ATP2C1: variants seen among roughly 807,000 people sequenced by gnomAD.
ATP2C1 encodes the protein calcium-transporting ATPase type 2C member 1.
A neutral mutation model predicts 120.5 loss-of-function variants in ATP2C1; 31 were observed. That is an observed-to-expected ratio of 0.26 (90% confidence interval 0.19 to 0.35). The LOEUF (loss-of-function observed/expected upper bound fraction) is 0.35. ATP2C1 is among the 10% of genes least tolerant of loss of function. ATP2C1 has a pLI of 1.00. For synonymous variants in ATP2C1, 351 were observed against 358.7 expected (o/e 0.98, Z 0.24); for missense variants, 731 against 1,107.5 (o/e 0.66, Z 4.83).
At chr3:130,896,184 A>G (rs1476432960) in intron 2 of ATP2C1, among the ~76,000 whole-genome samples, 1 of 152,208 alleles carries the variant, frequency 6.6e-6, no homozygotes, top group Non-Finnish European at 1.5e-5. Context: ...TACCAGATTT[A>G]AGAGGGTAGC....
At chr3:131,005,826 TTTG>T (rs1313507397), downstream of ATP2C1, among the ~76,000 whole-genome samples, 6 of 152,230 alleles carry the variant, frequency 3.9e-5, no homozygotes, top group South Asian at 1.2e-3. Flanking sequence ...TTCAATCTCC[TTTG>T]TTGTTGAATG....
chr3:130,937,343 C>A, intron 5 of ATP2C1, 85 bp from the exon 6 acceptor site: 1 of 1,132,524 alleles, frequency 8.8e-7, no homozygotes, highest in Non-Finnish European at 1.3e-6. Flanking sequence ...TATTGTGGGA[C>A]TGCAGATAGT....
chr3:130,919,891 A>C (rs1246661424), intron 2 of ATP2C1, among the ~76,000 whole-genome samples: 1 of 152,148 alleles, frequency 6.6e-6, no homozygotes, highest in African/African-American at 2.4e-5. Context: ...AGTTTTCCTT[A>C]CAGGTGTGAG....
chr3:131,014,471 T>G, intron 26 of ATP2C1: 1 of 1,308,016 alleles, frequency 7.6e-7, no homozygotes, highest in Non-Finnish European at 1.0e-6. Flanking sequence ...CTTCAACAAA[T>G]GCATCTAAAC....
At chr3:130,855,884 G>A (rs2067823594) in intron 1 of ATP2C1, 1 of 152,270 alleles carries the variant, frequency 6.6e-6, no homozygotes, top group Non-Finnish European at 1.5e-5. Flanking sequence ...CCTGCAGGAG[G>A]AAAGCCGAGA....
chr3:130,895,736 A>G (rs140410376), intron 2 of ATP2C1, among the ~76,000 whole-genome samples: 85 of 152,318 alleles, frequency 5.6e-4, no homozygotes, highest in Non-Finnish European at 7.2e-4. Flanking sequence ...TTGAGAATGT[A>G]AGCTTGATTG....
intron 2 of ATP2C1, among the ~76,000 whole-genome samples, chr3:130,911,326 G>C (rs201002250): frequency 0.011 from 1,634 of 150,126 alleles, 22 homozygotes; most frequent in East Asian, 0.08. Flanking sequence ...GTGTCTATTT[G>C]ATTCTTCTCT....
In ATP2C1 at chr3:131,002,606, C is replaced by T. The variant is rs1368338763; in HGVS notation, c.*1256C>T. On this transcript the variant is annotated 3_prime_UTR_variant, in exon 28 of 28. Coordinates refer to ENST00000510168, the MANE Select transcript of ATP2C1 (RefSeq NM_001378687.1). ...AGGTCATTTGTTTTGAGTATGTGGG[C>T]CAGAAATTTAAAATTAGAAATTTGT... 6 of 985,140 alleles carry T rather than the reference C, an allele frequency of 6.1e-6. No homozygotes were observed. The highest frequency in any genetic ancestry group is 6.0e-6 in the Non-Finnish European group (5 of 829,886). The allele number at this position is 985,140 out of a possible 1,614,324, so 61.0% of individuals were successfully genotyped here. A position where few individuals can be genotyped will look rare whatever the true frequency, so the allele number is the denominator to read the frequency against.
At chr3:131,010,339 C>T (rs1026746673) in intron 26 of ATP2C1, among the ~76,000 whole-genome samples, 18 of 151,732 alleles carry the variant, frequency 1.2e-4, no homozygotes, top group African/African-American at 4.4e-4. Flanking sequence ...TACAGGTGCC[C>T]GCCACCACAC....
intron 8 of ATP2C1, among the ~76,000 whole-genome samples, chr3:130,949,263 C>T (rs747038868): frequency 1.3e-5 from 2 of 152,114 alleles, no homozygotes; most frequent in Non-Finnish European, 2.9e-5. Flanking sequence ...TTCCAGTGAA[C>T]ACACAAATGA....
chr3:130,893,521 C>T (rs3755759), upstream of ATP2C1, among the ~76,000 whole-genome samples: 2,739 of 152,316 alleles, frequency 0.018, 148 homozygotes, highest in East Asian at 0.21. Flanking sequence ...ACTCGGGAGG[C>T]TGCTCACGGT....
chr3:130,970,384 A>ACACG (rs2061246780), intron 17 of ATP2C1, among the ~76,000 whole-genome samples: 2 of 143,014 alleles, frequency 1.4e-5, no homozygotes, highest in Non-Finnish European at 3.0e-5. Flanking sequence ...ACACACACAC[A>ACACG]CACACACACA....
chr3:130,965,178 T>A, intron 14 of ATP2C1, 133 bp downstream of exon 14: 1 of 686,208 alleles, frequency 1.5e-6, no homozygotes, highest in East Asian at 2.8e-5. Context: ...TTTCTCTCTC[T>A]GTGATTTTAC....
intron 2 of ATP2C1, among the ~76,000 whole-genome samples, chr3:130,916,768 C>G (rs1004019688): frequency 1.3e-5 from 2 of 152,008 alleles, no homozygotes; most frequent in African/African-American, 4.8e-5. Flanking sequence ...CTCAATTTTT[C>G]TTTTTCTTTT....
intron 2 of ATP2C1, chr3:130,914,598 T>C (rs852208): frequency 0.87 from 132,601 of 152,258 alleles, 58,089 homozygotes; most frequent in Middle Eastern, 0.94. Context: ...GTATTTTGCC[T>C]AGCTTGGGCT....
intron 8 of ATP2C1, among the ~76,000 whole-genome samples, chr3:130,953,259 A>C (rs754434120): frequency 6.6e-6 from 1 of 152,060 alleles, no homozygotes; most frequent in Non-Finnish European, 1.5e-5. Flanking sequence ...ATATTATGAT[A>C]GTTATGATCT....
At chr3:130,934,044 T>C (rs966057366) in intron 4 of ATP2C1, among the ~76,000 whole-genome samples, 7 of 152,212 alleles carry the variant, frequency 4.6e-5, no homozygotes, top group African/African-American at 1.7e-4. Context: ...GTCATTTAAA[T>C]GCTTTCTGAT....
At chr3:130,948,670 C>A (rs1412180565) in intron 8 of ATP2C1, among the ~76,000 whole-genome samples, 1 of 151,978 alleles carries the variant, frequency 6.6e-6, no homozygotes, top group South Asian at 2.1e-4. Context: ...TACTGGCATA[C>A]CTCATTTTAT....
rs2061344930 is a variant in ATP2C1 at position 130,972,137 on chromosome 3, C to T, written c.1413+2741C>T. ...CTTAAGGAGTGCACAACCTAGATCC[C>T]TTGCATGTGTAGTTCACGATAGGGT... On this transcript the variant is annotated intron_variant, in intron 17 of 27. Coordinates refer to ENST00000510168, the MANE Select transcript of ATP2C1 (RefSeq NM_001378687.1). 2.0e-5 allele frequency among the ~76,000 whole-genome samples: 3 copies of T among 152,180 alleles called. No homozygotes were observed. The South Asian group carries it at 6.2e-4, about 31-fold the overall frequency.
Sources: gnomAD v4.1 joint callset for allele counts (sites outside exome capture counted in the v4.1 genomes callset) on GRCh38, gnomAD v4.1.1 for gene constraint, MANE v1.5 for transcripts, NCBI Gene and HGNC (gene_info 2026-07-23, HGNC 2026-07-21) for gene names.